MATN2: variants seen among roughly 807,000 people sequenced by gnomAD.
The protein encoded by MATN2 is matrilin-2.
Under a neutral mutation model 103.2 loss-of-function variants are expected in MATN2, and 69 were observed. That is an observed-to-expected ratio of 0.67 (90% CI 0.55 to 0.82). MATN2 has a LOEUF of 0.82. Ranked by LOEUF, MATN2 falls within the 40% of genes least tolerant of loss-of-function variation. MATN2 has a pLI of 0.00. For missense variants in MATN2, 1,023 were observed against 1,211.5 expected (o/e 0.84, Z 2.31); for synonymous variants, 429 against 450.2 (o/e 0.95, Z 0.60).
At chr8:97,888,397 C>T (rs897046440) in intron 2 of MATN2, among the ~76,000 whole-genome samples, 155 bp downstream of exon 2, 12 of 152,070 alleles carry the variant, frequency 7.9e-5, no homozygotes, top group African/African-American at 2.7e-4. Flanking sequence ...TGAATGCATC[C>T]GGAGTTGAGC....
At chr8:97,999,983 C>A (rs915066720) in intron 7 of MATN2, among the ~76,000 whole-genome samples, 4 of 151,570 alleles carry the variant, frequency 2.6e-5, no homozygotes, top group African/African-American at 4.9e-5. Flanking sequence ...TGGGTTCTAG[C>A]GATCCTCTCA....
chr8:97,885,676 G>C (rs907611128), intron 1 of MATN2, among the ~76,000 whole-genome samples: 5 of 152,174 alleles, frequency 3.3e-5, no homozygotes, highest in African/African-American at 1.2e-4. Context: ...GCTCACACCT[G>C]TAGTCCCAGC....
chr8:98,022,949 G>A (rs542362467), intron 13 of MATN2, among the ~76,000 whole-genome samples: 46 of 152,162 alleles, frequency 3.0e-4, no homozygotes, highest in Non-Finnish European at 5.7e-4. Context: ...TTAGCCAGGC[G>A]TGGTGGCACG....
chr8:97,989,757 A>C (rs1232026711), intron 6 of MATN2, among the ~76,000 whole-genome samples: 1 of 152,226 alleles, frequency 6.6e-6, no homozygotes, highest in African/African-American at 2.4e-5. Flanking sequence ...ATCCAATGGA[A>C]TCTATTAAAA....
At position 97,900,683 on chromosome 8, in the gene MATN2, C is replaced by A. The variant is rs144368674; in HGVS notation, c.142+12441C>A. ...GGGCGTGGTGACTCACGCCTGTAAT[C>A]CCAGCACTTTGGGAGGCCGAGGTGG... is the stretch of plus-strand genomic sequence containing the variant. On this transcript the variant is annotated intron_variant, in intron 2 of 18. Transcript: ENST00000254898. Among the ~76,000 whole-genome samples the A allele has an allele frequency of 2.8e-3, 427 of 152,278 alleles. 4 individuals are homozygous for A. The highest frequency in any genetic ancestry group is 6.8e-3 in the Middle Eastern group (2 of 294).
At chr8:97,996,530 C>T (rs1391918062) in intron 7 of MATN2, among the ~76,000 whole-genome samples, 2 of 152,136 alleles carry the variant, frequency 1.3e-5, no homozygotes, top group African/African-American at 4.8e-5. Flanking sequence ...ACTTTTTCAT[C>T]CAAGAAAAAT....
At chr8:97,972,931 T>C (rs1811711315) in intron 5 of MATN2, among the ~76,000 whole-genome samples, 1 of 152,258 alleles carries the variant, frequency 6.6e-6, no homozygotes, top group Non-Finnish European at 1.5e-5. Context: ...GAGCCATCAT[T>C]GAGTTATACA....
chr8:97,930,909 C>G, intron 2 of MATN2, 44 bp from the exon 3 acceptor site: 1 of 1,419,734 alleles, frequency 7.0e-7, no homozygotes. Flanking sequence ...AGCCACCACA[C>G]CTGGCCTCTC....
chr8:98,000,604 A>AAAAAAAAAAAAG (rs1554613598), intron 7 of MATN2, among the ~76,000 whole-genome samples: 4 of 127,206 alleles, frequency 3.1e-5, no homozygotes, highest in African/African-American at 5.9e-5. Flanking sequence ...CTCAAAAAAA[A>AAAAAAAAAAAAG]AAAAAAGAAA....
intron 2 of MATN2, among the ~76,000 whole-genome samples, chr8:97,908,622 C>A (rs1202139832): frequency 1.3e-5 from 2 of 152,154 alleles, no homozygotes; most frequent in African/African-American, 2.4e-5. Flanking sequence ...TATAAAATAG[C>A]AGTTTTTCTC....
chr8:97,873,768 A>G (rs1817975478), intron 1 of MATN2, among the ~76,000 whole-genome samples: 1 of 151,804 alleles, frequency 6.6e-6, no homozygotes. Flanking sequence ...GTAACCCTCA[A>G]ATTTGTTTCT....
intron 5 of MATN2, among the ~76,000 whole-genome samples, chr8:97,963,980 C>T (rs919427102): frequency 1.1e-4 from 17 of 152,004 alleles, no homozygotes; most frequent in Non-Finnish European, 2.2e-4. Context: ...ATATTGGCCA[C>T]GGAAGGTCAG....
At chr8:97,995,091 G>A (rs777339192) in intron 7 of MATN2, among the ~76,000 whole-genome samples, 2 of 152,168 alleles carry the variant, frequency 1.3e-5, no homozygotes, top group East Asian at 1.9e-4. Flanking sequence ...GGGTGTCAGC[G>A]GGTTGATATT....
At chr8:97,942,918 A>G (rs780022200) in intron 4 of MATN2, among the ~76,000 whole-genome samples, 14 of 152,014 alleles carry the variant, frequency 9.2e-5, no homozygotes, top group Non-Finnish European at 1.8e-4. Context: ...AGATTAGGTA[A>G]CATCTACTTG....
intron 7 of MATN2, among the ~76,000 whole-genome samples, chr8:97,995,305 T>A (rs1812545143): frequency 6.6e-6 from 1 of 152,350 alleles, no homozygotes; most frequent in African/African-American, 2.4e-5. Flanking sequence ...TTGGCACTCA[T>A]AGATGTGCAC....
intron 15 of MATN2, 138 bp from the exon 16 acceptor site, chr8:98,032,108 T>G (rs947287563): frequency 1.1e-5 from 7 of 639,082 alleles, no homozygotes; most frequent in Non-Finnish European, 1.9e-5. Context: ...TTTTTGAATC[T>G]TTGGTGTTAC....
chr8:97,889,601 G>A (rs1218913071), intron 2 of MATN2, among the ~76,000 whole-genome samples: 1 of 151,364 alleles, frequency 6.6e-6, no homozygotes, highest in Non-Finnish European at 1.5e-5. Flanking sequence ...ACAACACCAC[G>A]CTCAGCTAAT....
At chr8:98,035,149 G>C (rs1318162206) in intron 18 of MATN2, among the ~76,000 whole-genome samples, 1 of 152,142 alleles carries the variant, frequency 6.6e-6, no homozygotes, top group African/African-American at 2.4e-5. Flanking sequence ...CCTGAGGTGG[G>C]GAGTTCGAGA....
chr8:97,949,254 CT>C (rs1288799504), intron 4 of MATN2, among the ~76,000 whole-genome samples: 13 of 151,346 alleles, frequency 8.6e-5, no homozygotes, highest in African/African-American at 3.2e-4. Flanking sequence ...ACTGCAACCT[CT>C]GCCTCCTGGG....
Sources: gnomAD v4.1 joint callset for allele counts (sites outside exome capture counted in the v4.1 genomes callset) on GRCh38, gnomAD v4.1.1 for gene constraint, MANE v1.5 for transcripts, NCBI Gene and HGNC (gene_info 2026-07-23, HGNC 2026-07-21) for gene names.